The following CDH13 variants were observed in gnomAD, a reference collection of about 807,000 sequenced individuals.
CDH13 encodes cadherin 13, also known as cadherin-13.
CDH13 carries 24 observed loss-of-function variants against 63.8 expected under a neutral mutation model. The observed-to-expected ratio is 0.38, with a 90% CI of 0.27 to 0.53. The LOEUF (loss-of-function observed/expected upper bound fraction) is 0.53. CDH13 is among the 20% of genes least tolerant of loss of function. The pLI is 0.85. For synonymous variants in CDH13, 503 were observed against 355.3 expected (o/e 1.42, Z -4.67); for missense variants, 1,049 against 903.1 (o/e 1.16, Z -2.07).
chr16:82,736,786 A>G (rs2151045991), intron 1 of CDH13, among the ~76,000 whole-genome samples: 1 of 152,238 alleles, frequency 6.6e-6, no homozygotes, highest in South Asian at 2.1e-4. Context: ...GGGCAATTTG[A>G]TCTGCTATCT....
chr16:82,649,051 G>A (rs935031590), intron 1 of CDH13, among the ~76,000 whole-genome samples: 5 of 151,442 alleles, frequency 3.3e-5, no homozygotes, highest in African/African-American at 9.8e-5. Context: ...ATTTTGAATG[G>A]AAGAAAATAA....
At chr16:83,104,453 T>C (rs1356492438) in intron 3 of CDH13, among the ~76,000 whole-genome samples, 1 of 152,190 alleles carries the variant, frequency 6.6e-6, no homozygotes, top group Non-Finnish European at 1.5e-5. Flanking sequence ...AAAGACACTT[T>C]GCTGATTTGG....
At chr16:83,230,156 AT>A (rs140554087) in intron 5 of CDH13, among the ~76,000 whole-genome samples, 267 of 152,230 alleles carry the variant, frequency 1.8e-3, no homozygotes, top group African/African-American at 6.2e-3. Flanking sequence ...TCGTGAATGC[AT>A]TTTCTATTCC....
rs78813867 is a variant in CDH13, at chr16:82,665,480, C to T, written c.45+38343C>T. ...TGCATTTCTACTAGGAGCAATGGTT[C>T]AATATATGTTAAGTATTCATGGTGA... On this transcript the variant is annotated intron_variant, in intron 1 of 13. Coordinates refer to ENST00000567109, the MANE Select transcript of CDH13 (RefSeq NM_001257.5). Among the ~76,000 whole-genome samples, 3,898 of 152,144 alleles carry T rather than the reference C, an allele frequency of 0.026. 294 individuals are homozygous for T. The East Asian group carries it at 0.31, about 12-fold the overall frequency.
chr16:83,507,293 G>A (rs1567721525), intron 7 of CDH13, among the ~76,000 whole-genome samples: 1 of 152,222 alleles, frequency 6.6e-6, no homozygotes. Context: ...GAGAAAGTTT[G>A]TAATGTATGC....
At chr16:83,412,608 G>A (rs376032256) in intron 6 of CDH13, among the ~76,000 whole-genome samples, 2 of 152,174 alleles carry the variant, frequency 1.3e-5, no homozygotes, top group South Asian at 4.1e-4. Flanking sequence ...TGTGGTCCCC[G>A]AAGAAAGAAG....
At chr16:83,313,277 T>C (rs1484640573) in intron 5 of CDH13, among the ~76,000 whole-genome samples, 2 of 152,218 alleles carry the variant, frequency 1.3e-5, no homozygotes, top group Admixed American at 6.5e-5. Flanking sequence ...GAAAGGTGCA[T>C]TGGTGACTTG....
At chr16:83,393,676 A>C (rs868445696) in intron 6 of CDH13, among the ~76,000 whole-genome samples, 48 of 152,340 alleles carry the variant, frequency 3.2e-4, no homozygotes, top group Admixed American at 7.2e-4. Context: ...TGAATCATTC[A>C]TTCATTGAAT....
At chr16:83,138,510 C>T (rs373668147) in intron 4 of CDH13, among the ~76,000 whole-genome samples, 69 of 152,222 alleles carry the variant, frequency 4.5e-4, no homozygotes, top group African/African-American at 1.6e-3. Flanking sequence ...CCAGTATCTA[C>T]GGGCGAGAGG....
intron 1 of CDH13, among the ~76,000 whole-genome samples, chr16:82,803,440 C>G (rs926116342): frequency 4.0e-5 from 6 of 150,930 alleles, no homozygotes; most frequent in African/African-American, 1.4e-4. Context: ...TATTTAGAAT[C>G]TCTGAGCAGC....
At chr16:83,527,188 A>T (rs2074982729) in intron 7 of CDH13, among the ~76,000 whole-genome samples, 1 of 151,796 alleles carries the variant, frequency 6.6e-6, no homozygotes, top group African/African-American at 2.4e-5. Context: ...GCTGGCTCAC[A>T]CCTGTAATCT....
chr16:82,869,893 G>A (rs1056105531), intron 2 of CDH13, among the ~76,000 whole-genome samples: 1 of 152,092 alleles, frequency 6.6e-6, no homozygotes, highest in African/African-American at 2.4e-5. Flanking sequence ...GAAAACATTG[G>A]GGGAAATACT....
At chr16:82,794,225 T>A (rs1380345372) in intron 1 of CDH13, among the ~76,000 whole-genome samples, 1 of 151,536 alleles carries the variant, frequency 6.6e-6, no homozygotes, top group Non-Finnish European at 1.5e-5. Context: ...TGTTATTTTA[T>A]GTGTTGCCAA....
chr16:82,934,268 T>A (rs1051021421), intron 2 of CDH13, among the ~76,000 whole-genome samples: 23 of 152,204 alleles, frequency 1.5e-4, no homozygotes, highest in African/African-American at 5.5e-4. Flanking sequence ...CAACACCACA[T>A]GGAAGCTGCC....
At chr16:82,688,574 A>G (rs1353094557) in intron 1 of CDH13, among the ~76,000 whole-genome samples, 1 of 152,214 alleles carries the variant, frequency 6.6e-6, no homozygotes, top group Non-Finnish European at 1.5e-5. Flanking sequence ...ATGACAACAT[A>G]TTTTACAGTG....
chr16:82,991,228 A>G (rs570444019), intron 2 of CDH13, among the ~76,000 whole-genome samples: 43 of 152,216 alleles, frequency 2.8e-4, no homozygotes, highest in Admixed American at 4.6e-4. Context: ...GACACATTCA[A>G]CTGAAAAATT....
intron 3 of CDH13, among the ~76,000 whole-genome samples, chr16:83,123,410 G>C (rs2035673596): frequency 6.6e-6 from 1 of 152,012 alleles, no homozygotes; most frequent in Non-Finnish European, 1.5e-5. Context: ...CTCATGAATA[G>C]CTGGGATTAC....
intron 8 of CDH13, among the ~76,000 whole-genome samples, chr16:83,657,205 A>G (rs1226562115): frequency 1.3e-5 from 2 of 152,232 alleles, no homozygotes; most frequent in Admixed American, 1.3e-4. Context: ...TGAGTGATGT[A>G]AAGGGTATTA....
chr16:83,197,815 C>G (rs1433018290), intron 4 of CDH13, among the ~76,000 whole-genome samples: 7 of 62,968 alleles, frequency 1.1e-4, no homozygotes, highest in Non-Finnish European at 1.9e-4. Flanking sequence ...CACTCTGACA[C>G]ATTCACACAC....
Sources: gnomAD v4.1 joint callset for allele counts (sites outside exome capture counted in the v4.1 genomes callset) on GRCh38, gnomAD v4.1.1 for gene constraint, MANE v1.5 for transcripts, NCBI Gene and HGNC (gene_info 2026-07-23, HGNC 2026-07-21) for gene names.